The following ADCY1 variants were observed in gnomAD, a reference collection of about 807,000 sequenced individuals.
ADCY1 encodes the protein adenylate cyclase 1.
In ADCY1, 28 loss-of-function variants were observed where a neutral mutation model predicts 105.4. The observed-to-expected ratio is 0.27, with a 90% confidence interval of 0.20 to 0.36. The LOEUF is 0.36. ADCY1 is among the 10% of genes least tolerant of loss of function. ADCY1 has a pLI of 1.00. For missense variants in ADCY1, 977 were observed against 1,434.2 expected (o/e 0.68, Z 5.15); for synonymous variants, 655 against 623.8 (o/e 1.05, Z -0.75).
At chr7:45,596,033 G>T (rs1793061720) in intron 2 of ADCY1, among the ~76,000 whole-genome samples, 1 of 152,186 alleles carries the variant, frequency 6.6e-6, no homozygotes, top group Non-Finnish European at 1.5e-5. Flanking sequence ...CCAGCTCTTG[G>T]GTCTCTCAGC....
intron 10 of ADCY1, among the ~76,000 whole-genome samples, chr7:45,679,368 G>C (rs1784515936): frequency 6.6e-6 from 1 of 152,196 alleles, no homozygotes; most frequent in Non-Finnish European, 1.5e-5. Flanking sequence ...GCTCAGCAAA[G>C]TCTGGGAAAC....
chr7:45,607,285 T>C (rs1474060693), intron 2 of ADCY1, among the ~76,000 whole-genome samples: 1 of 152,184 alleles, frequency 6.6e-6, no homozygotes, highest in Non-Finnish European at 1.5e-5. Context: ...ATGTGATCCA[T>C]GAAACCCTCA....
At chr7:45,671,422 A>G (rs925381539) in intron 8 of ADCY1, among the ~76,000 whole-genome samples, 8 of 152,202 alleles carry the variant, frequency 5.3e-5, no homozygotes, top group African/African-American at 1.7e-4. Context: ...GCGCACATCC[A>G]TGTTAACTCA....
At chr7:45,669,639 TTC>T (rs1562716596) in intron 8 of ADCY1, among the ~76,000 whole-genome samples, 1 of 152,134 alleles carries the variant, frequency 6.6e-6, no homozygotes. Flanking sequence ...GCGTATTTTC[TTC>T]TCTGTTTCTG....
intron 4 of ADCY1, among the ~76,000 whole-genome samples, chr7:45,623,391 G>A (rs1793959511): frequency 6.6e-6 from 1 of 152,162 alleles, no homozygotes; most frequent in South Asian, 2.1e-4. Context: ...AAACCTCCTT[G>A]TACAGAGGTT....
At chr7:45,652,598 G>T (rs899403384) in intron 5 of ADCY1, among the ~76,000 whole-genome samples, 1 of 152,160 alleles carries the variant, frequency 6.6e-6, no homozygotes, top group African/African-American at 2.4e-5. Context: ...TTCCTTTTCT[G>T]ATCTGTAAAC....
At position 45,692,753 on chromosome 7, in the gene ADCY1, C is replaced by T. The variant is rs116964010; in HGVS notation, c.2454+6080C>T. On this transcript the variant is annotated intron_variant, in intron 14 of 19. Coordinates refer to ENST00000297323, the MANE Select transcript of ADCY1 (RefSeq NM_021116.4). ...TGATAGATTTGTTAAGTAATTTGAT[C>T]GTAGTAGTTATGCAATGTATACATA... 1.5e-3 allele frequency among the ~76,000 whole-genome samples: 223 copies of T among 152,096 alleles called. No individual in the cohort carries two copies. The East Asian group carries it at 0.036, about 24-fold the overall frequency.
Position 45,617,460 on chromosome 7 carries a change from A to G in ADCY1, c.909-5172A>G, listed in dbSNP as rs899766389. On this transcript the variant is annotated intron_variant, in intron 3 of 19. Coordinates refer to ENST00000297323, the MANE Select transcript of ADCY1 (RefSeq NM_021116.4). ...GATGAGAGAGGGATGTGTTTACCCC[A>G]TCTGCTGGCCAAGGCTGTGACTGCT... Among the ~76,000 whole-genome samples, 3 of 152,304 alleles carry G rather than the reference A, an allele frequency of 2.0e-5. No homozygotes were observed. The East Asian group carries it at 5.8e-4, about 29-fold the overall frequency.
At chr7:45,657,687 A>G (rs779842543) in intron 5 of ADCY1, 40 bp from the exon 6 acceptor site, 2 of 1,590,626 alleles carry the variant, frequency 1.3e-6, no homozygotes, top group Non-Finnish European at 1.7e-6. Flanking sequence ...GGGAGGATAC[A>G]AGGTGGGCCC....
At chr7:45,632,168 A>G (rs1464591756) in intron 4 of ADCY1, among the ~76,000 whole-genome samples, 1 of 152,218 alleles carries the variant, frequency 6.6e-6, no homozygotes, top group African/African-American at 2.4e-5. Context: ...ATTCTGTTCC[A>G]TTAACCTATG....
chr7:45,603,052 A>G (rs1304584592), intron 2 of ADCY1, among the ~76,000 whole-genome samples: 1 of 152,240 alleles, frequency 6.6e-6, no homozygotes, highest in Non-Finnish European at 1.5e-5. Context: ...TACAAATGGA[A>G]TCATATAATA....
chr7:45,651,282 A>C (rs576403298), intron 5 of ADCY1, among the ~76,000 whole-genome samples: 1 of 151,728 alleles, frequency 6.6e-6, no homozygotes. Context: ...AGACCCTGGG[A>C]CCCACCAGTG....
intron 1 of ADCY1, among the ~76,000 whole-genome samples, chr7:45,592,386 C>T (rs1264108591): frequency 6.6e-6 from 1 of 152,188 alleles, no homozygotes; most frequent in African/African-American, 2.4e-5. Context: ...ATAAGGACAC[C>T]AGGCAGATTG....
chr7:45,708,976 T>C lies in ADCY1; in HGVS notation c.2932+512T>C, dbSNP rs1396438752. Among the ~76,000 whole-genome samples the C allele has an allele frequency of 2.0e-5, 3 of 152,218 alleles. No individual in the cohort carries two copies. The highest frequency in any genetic ancestry group is 7.2e-5 in the African/African-American group (3 of 41,464). ...TAAAACTATGATTTGTTGTTTTTTT[T>C]TTTAATCATAAATTCACTTTTTCTT... On this transcript the variant is annotated intron_variant, in intron 18 of 19. Coordinates refer to ENST00000297323, the MANE Select transcript of ADCY1 (RefSeq NM_021116.4). This position sits in a 1 kb window ranked among gnomAD's most constrained non-coding sequence, Gnocchi z 4.7.
At chr7:45,685,858 C>A (rs760017764) in intron 12 of ADCY1, 104 bp from the exon 13 acceptor site, 39 of 1,439,006 alleles carry the variant, frequency 2.7e-5, no homozygotes, top group Non-Finnish European at 3.4e-5. Context: ...TGGGTCAGAG[C>A]AAAACCTTGG....
chr7:45,625,584 G>A (rs954346588), intron 4 of ADCY1, among the ~76,000 whole-genome samples: 1 of 152,194 alleles, frequency 6.6e-6, no homozygotes, highest in Non-Finnish European at 1.5e-5. Flanking sequence ...TGTTATGTGT[G>A]TAGATGTGTT....
intron 4 of ADCY1, among the ~76,000 whole-genome samples, chr7:45,636,550 G>A (rs893941424): frequency 7.9e-5 from 12 of 151,958 alleles, no homozygotes; most frequent in Admixed American, 3.9e-4. Context: ...GTGTGTGTTC[G>A]TTTGTTTGTT....
chr7:45,687,673 T>G (rs1784711493), intron 14 of ADCY1, among the ~76,000 whole-genome samples: 1 of 152,224 alleles, frequency 6.6e-6, no homozygotes, highest in African/African-American at 2.4e-5. Flanking sequence ...TGGAGCTATT[T>G]GATCTCATTC....
intron 4 of ADCY1, among the ~76,000 whole-genome samples, chr7:45,641,649 G>A (rs961395116): frequency 1.3e-5 from 2 of 151,978 alleles, no homozygotes; most frequent in African/African-American, 2.4e-5. Context: ...CTTTTCGGCC[G>A]GGCGCGGTGG....
Sources: allele counts gnomAD v4.1 joint callset (sites outside exome capture counted in the v4.1 genomes callset), GRCh38; gene constraint gnomAD v4.1.1; non-coding constraint Gnocchi (gnomAD v3.1); transcripts MANE v1.5; gene names NCBI Gene and HGNC (gene_info 2026-07-23, HGNC 2026-07-21).